Variants in BANK1 observed in about 807,000 individuals in gnomAD.
The protein encoded by BANK1 is B-cell scaffold protein with ankyrin repeats.
BANK1 carries 95 observed loss-of-function variants against 94.5 expected under a neutral mutation model. The observed-to-expected ratio is 1.00, with a 90% CI of 0.85 to 1.19. The LOEUF is 1.19. Ranked by LOEUF, BANK1 falls within the 50% of genes most tolerant of loss-of-function variation. The pLI, the probability that BANK1 is intolerant of heterozygous loss-of-function variation, is 0.00. For missense variants in BANK1, 987 were observed against 932.2 expected, an observed-to-expected ratio of 1.06 and a Z score of -0.77; for synonymous variants, 334 against 308.4, an observed-to-expected ratio of 1.08 and a Z score of -0.87.
chr4:101,812,906 G>A (rs996569539), intron 1 of BANK1, among the ~76,000 whole-genome samples: 13 of 151,988 alleles, frequency 8.6e-5, no homozygotes, highest in African/African-American at 2.9e-4. Context: ...ACAGGTTAGT[G>A]CCTAAATTCT....
intron 11 of BANK1, among the ~76,000 whole-genome samples, chr4:102,051,685 C>G (rs1312191623): frequency 6.6e-6 from 1 of 152,144 alleles, no homozygotes; most frequent in Non-Finnish European, 1.5e-5. Context: ...CCTCCTGACC[C>G]CAGCTACCTC....
chr4:101,894,756 T>C (rs1352630782), intron 5 of BANK1, among the ~76,000 whole-genome samples: 1 of 151,968 alleles, frequency 6.6e-6, no homozygotes, highest in African/African-American at 2.4e-5. Flanking sequence ...CCTCCCAAGA[T>C]GCTTAGGTTA....
At chr4:101,897,997 G>A (rs4698979) in intron 6 of BANK1, among the ~76,000 whole-genome samples, 51,908 of 151,282 alleles carry the variant, frequency 0.34, 9,184 homozygotes, top group African/African-American at 0.38. Flanking sequence ...AAAACTTAAA[G>A]CTAAAAATGA....
chr4:101,791,002 C>T lies in BANK1; in HGVS notation c.70+52C>T, dbSNP rs906704024. 6.5e-6 allele frequency: 9 copies of T among 1,389,838 alleles called. No individual in the cohort carries two copies. In the East Asian group the frequency reaches 2.1e-4, roughly 32 times the overall value. The allele number at this position is 1,389,838 out of a possible 1,614,324, so 86.1% of individuals were successfully genotyped here. A position where few individuals can be genotyped will look rare whatever the true frequency, so the allele number is the denominator to read the frequency against. On this transcript the variant is annotated intron_variant, in intron 1 of 16. Coordinates refer to ENST00000322953, the MANE Select transcript of BANK1 (RefSeq NM_017935.5). ...TTGACGCCGAGGCCGGGCTACGGGG[C>T]TCTGCGGAGACCACGGGCCATCGTT...
rs769575241 is a variant in BANK1, at chr4:101,862,607, C to T, written c.706C>T (p.Arg236Cys). 1.4e-5 allele frequency: 23 copies of T among 1,610,708 alleles called. No homozygotes were observed. Among genetic ancestry groups the T allele is most frequent in the East Asian group, 1.3e-4 (6 of 44,658 alleles). ...GGTTGAATTTACATCAAGTAATAAG[C>T]GCATTAGAACACGGCCAGCCCTTTG... ...VEVEFTSSNK[R>C]IRTRPALWNK... Residue 236 changes from arginine to cysteine, a missense_variant, in exon 4 of 17, where the codon CGC becomes TGC. Transcript: ENST00000322953.
intron 7 of BANK1, among the ~76,000 whole-genome samples, chr4:101,930,394 T>A (rs1271949158): frequency 6.6e-6 from 1 of 151,474 alleles, no homozygotes; most frequent in Non-Finnish European, 1.5e-5. Context: ...TTGTTACAGT[T>A]ACAGTAACAT....
At chr4:101,984,031 T>C (rs1725408098) in intron 7 of BANK1, among the ~76,000 whole-genome samples, 14 of 152,014 alleles carry the variant, frequency 9.2e-5, no homozygotes, top group African/African-American at 2.4e-5. Flanking sequence ...GGGGAATGTA[T>C]AACTAGCTCA....
intron 7 of BANK1, among the ~76,000 whole-genome samples, chr4:101,940,171 G>A (rs1723695145): frequency 6.6e-6 from 1 of 151,252 alleles, no homozygotes; most frequent in African/African-American, 2.4e-5. Context: ...CTAGATAAAT[G>A]AATATAATTA....
intron 1 of BANK1, among the ~76,000 whole-genome samples, chr4:101,801,322 AACTT>A (rs1190170320): frequency 2.0e-5 from 3 of 152,212 alleles, no homozygotes; most frequent in Admixed American, 1.3e-4. Context: ...TATTGTAATT[AACTT>A]ACTTTTTATT....
At position 101,967,413 on chromosome 4, in the gene BANK1, G is replaced by T. The variant is rs1044451996; in HGVS notation, c.1206+49224G>T. ...CTGTCTCTAGAGAAAGAATTATAAT[G>T]GGATGGTGTCTGTGTAGAAAACTTG... On this transcript the variant is annotated intron_variant, in intron 7 of 16. Transcript: ENST00000322953. Among the ~76,000 whole-genome samples the T allele has an allele frequency of 5.9e-5, 9 of 152,060 alleles. No homozygotes were observed. In the South Asian group the frequency reaches 1.0e-3, roughly 18 times the overall value.
chr4:101,996,099 T>C (rs1214507807), intron 7 of BANK1, among the ~76,000 whole-genome samples: 1 of 152,088 alleles, frequency 6.6e-6, no homozygotes, highest in African/African-American at 2.4e-5. Flanking sequence ...TTGTATAATT[T>C]TTGTATAAGG....
chr4:101,926,164 G>A (rs1723144457), intron 7 of BANK1, among the ~76,000 whole-genome samples: 1 of 151,568 alleles, frequency 6.6e-6, no homozygotes, highest in Admixed American at 6.6e-5. Context: ...ATCATGAAAT[G>A]GTTTTTACTT....
intron 12 of BANK1, 46 bp downstream of exon 12, chr4:102,060,435 G>T: frequency 6.5e-7 from 1 of 1,548,352 alleles, no homozygotes; most frequent in Admixed American, 2.2e-5. Flanking sequence ...CACTTGTGGA[G>T]CCCCTAGTTT....
chr4:102,062,919 T>C lies in BANK1; in HGVS notation c.2149-156T>C. 1.2e-5 allele frequency: 7 copies of C among 596,318 alleles called. No individual in the cohort carries two copies. The South Asian group carries it at 1.3e-4, about 11-fold the overall frequency. 36.9% of individuals were successfully genotyped at this position (596,318 alleles called of 1,614,324 possible). A position where few individuals can be genotyped will look rare whatever the true frequency, so the allele number is the denominator to read the frequency against. The stretch of plus-strand genomic sequence containing the variant: ...ATTAAGCTGTGAGAATTAAGTAAGA[T>C]AACGTGGAAAGTATCAAGGATGGCA... On this transcript the variant is annotated intron_variant, in intron 12 of 16. Transcript: ENST00000322953.
At chr4:102,072,586 C>A (rs1368138403) in intron 15 of BANK1, among the ~76,000 whole-genome samples, 186 bp downstream of exon 15, 4 of 151,712 alleles carry the variant, frequency 2.6e-5, no homozygotes, top group African/African-American at 9.7e-5. Flanking sequence ...GGAAAAAAAA[C>A]AAAGAGGGAA....
intron 7 of BANK1, among the ~76,000 whole-genome samples, chr4:101,958,571 T>G (rs1724450636): frequency 6.6e-6 from 1 of 152,062 alleles, no homozygotes; most frequent in Non-Finnish European, 1.5e-5. Context: ...GGACTACTTT[T>G]CTATTCAAAG....
At chr4:101,892,395 GT>G (rs1298495290) in intron 5 of BANK1, among the ~76,000 whole-genome samples, 1 of 151,356 alleles carries the variant, frequency 6.6e-6, no homozygotes, top group African/African-American at 2.4e-5. Context: ...CTTGGGAGTA[GT>G]CTAACACTTT....
At chr4:102,014,060 G>C (rs1329741459) in intron 7 of BANK1, among the ~76,000 whole-genome samples, 1 of 152,070 alleles carries the variant, frequency 6.6e-6, no homozygotes, top group African/African-American at 2.4e-5. Flanking sequence ...ATAAGGCAAA[G>C]AGTAAGAATT....
At chr4:101,809,955 A>G (rs1399222761) in intron 1 of BANK1, among the ~76,000 whole-genome samples, 1 of 152,214 alleles carries the variant, frequency 6.6e-6, no homozygotes, top group Admixed American at 6.5e-5. Flanking sequence ...GATAGAATTA[A>G]GATTGCTAAT....
Sources: gnomAD v4.1 joint callset for allele counts (sites outside exome capture counted in the v4.1 genomes callset) on GRCh38, gnomAD v4.1.1 for gene constraint, MANE v1.5 for transcripts, NCBI Gene and HGNC (gene_info 2026-07-23, HGNC 2026-07-21) for gene names.